EXOC6B: variants seen among roughly 807,000 people sequenced by gnomAD.
EXOC6B encodes SEC15 homolog B.
EXOC6B carries 54 observed loss-of-function variants against 113.5 expected under a neutral mutation model. That is an observed-to-expected ratio of 0.48 (90% CI 0.38 to 0.60). The LOEUF (loss-of-function observed/expected upper bound fraction) is 0.60, where lower values mean the gene tolerates loss of function less well. Among genes scored for constraint, EXOC6B ranks in the 20% least tolerant of loss-of-function variants. EXOC6B has a pLI of 0.00. For synonymous variants in EXOC6B, 357 were observed against 339.0 expected (o/e 1.05, Z -0.58); for missense variants, 797 against 977.5 (o/e 0.82, Z 2.46).
rs1680844861 is a variant in EXOC6B at position 72,221,162 on chromosome 2, GACTT to G, written c.2197-36979_2197-36976del. Among the ~76,000 whole-genome samples, 5 of 152,172 alleles carry G rather than the reference GACTT, an allele frequency of 3.3e-5. No individual in the cohort carries two copies. In the South Asian group the frequency reaches 1.0e-3, roughly 32 times the overall value. On this transcript the variant is annotated intron_variant, in intron 20 of 21. Coordinates refer to ENST00000272427, the MANE Select transcript of EXOC6B (RefSeq NM_015189.3). ...TAGTTAGTTCCCATTTCTTTTCTGA[GACTT>G]ACTTTTCCAATCTGTAAAACAAACA...
chr2:72,238,601 G>A (rs1035160678), intron 20 of EXOC6B, among the ~76,000 whole-genome samples: 3 of 152,116 alleles, frequency 2.0e-5, no homozygotes, highest in Admixed American at 1.3e-4. Context: ...CTATCCTAGT[G>A]TGTGTGTGAT....
chr2:72,200,585 T>A (rs1679431744), intron 20 of EXOC6B, among the ~76,000 whole-genome samples: 1 of 152,164 alleles, frequency 6.6e-6, no homozygotes, highest in Non-Finnish European at 1.5e-5. Flanking sequence ...TGAGGAATTG[T>A]AGAGAACTGT....
chr2:72,323,223 A>G (rs544449577), intron 20 of EXOC6B, among the ~76,000 whole-genome samples: 1 of 152,352 alleles, frequency 6.6e-6, no homozygotes, highest in African/African-American at 2.4e-5. Flanking sequence ...GCCAACAAAC[A>G]TATGAAAAAA....
intron 6 of EXOC6B, among the ~76,000 whole-genome samples, chr2:72,614,027 C>T (rs1476298528): frequency 6.6e-6 from 1 of 152,150 alleles, no homozygotes; most frequent in African/African-American, 2.4e-5. Context: ...CCACAAACCA[C>T]AAAAGCACAG....
chr2:72,673,345 A>C (rs1032329107), intron 6 of EXOC6B, among the ~76,000 whole-genome samples: 2 of 152,198 alleles, frequency 1.3e-5, no homozygotes, highest in Admixed American at 6.5e-5. Flanking sequence ...ATGAAAGGCT[A>C]TGATTGACAA....
chr2:72,553,290 G>A (rs868507211), intron 8 of EXOC6B, among the ~76,000 whole-genome samples: 1 of 152,028 alleles, frequency 6.6e-6, no homozygotes, highest in African/African-American at 2.4e-5. Flanking sequence ...ACATGAGGTT[G>A]GGGGAAAGCT....
At chr2:72,821,413 G>C (rs1339096505) in intron 1 of EXOC6B, among the ~76,000 whole-genome samples, 1 of 152,038 alleles carries the variant, frequency 6.6e-6, no homozygotes, top group African/African-American at 2.4e-5. Flanking sequence ...CAGTCTAGCA[G>C]TTCCTCATAA....
At chr2:72,200,145 C>T (rs1220678865) in intron 20 of EXOC6B, among the ~76,000 whole-genome samples, 1 of 152,144 alleles carries the variant, frequency 6.6e-6, no homozygotes, top group African/African-American at 2.4e-5. Flanking sequence ...GATCCGCCCA[C>T]CTTGGCCTCC....
intron 18 of EXOC6B, among the ~76,000 whole-genome samples, chr2:72,422,617 T>C (rs1038053415): frequency 3.3e-5 from 5 of 151,976 alleles, no homozygotes; most frequent in Non-Finnish European, 5.9e-5. Context: ...GCTCAAAGTT[T>C]GTGAGTGCAC....
At chr2:72,550,695 C>G (rs1362575492) in intron 8 of EXOC6B, among the ~76,000 whole-genome samples, 1 of 152,026 alleles carries the variant, frequency 6.6e-6, no homozygotes, top group Admixed American at 6.5e-5. Context: ...TAAATAATAA[C>G]CAGTATGCCT....
intron 1 of EXOC6B, among the ~76,000 whole-genome samples, chr2:72,814,674 T>A (rs1686117830): frequency 6.6e-6 from 1 of 152,196 alleles, no homozygotes; most frequent in African/African-American, 2.4e-5. Flanking sequence ...CTCTTGGGAG[T>A]TAACAGATCT....
In EXOC6B at chr2:72,449,257, G is replaced by A. The variant is rs532913933; in HGVS notation, c.1980+15903C>T. Among the ~76,000 whole-genome samples the A allele has an allele frequency of 4.6e-5, 7 of 151,478 alleles. No individual in the cohort carries two copies. In the South Asian group the frequency reaches 1.0e-3, roughly 23 times the overall value. On this transcript the variant is annotated intron_variant, in intron 18 of 21. Transcript: ENST00000272427. ...GAGTGCAGTGGTGCGATCTCGGCTCGCTGCAAGCTCTGCCTCCTGAGTTCA... is the reference window on the plus strand; with the variant it reads ...GAGTGCAGTGGTGCGATCTCGGCTCACTGCAAGCTCTGCCTCCTGAGTTCA...
At chr2:72,435,225 T>C (rs1695779277) in intron 18 of EXOC6B, among the ~76,000 whole-genome samples, 1 of 152,204 alleles carries the variant, frequency 6.6e-6, no homozygotes. Flanking sequence ...TTTGAGTGAG[T>C]TTCTTAATCC....
chr2:72,193,058 C>G (rs1678947696), intron 20 of EXOC6B, among the ~76,000 whole-genome samples: 1 of 152,188 alleles, frequency 6.6e-6, no homozygotes, highest in Admixed American at 6.5e-5. Flanking sequence ...CTGCCTTTGA[C>G]AGGATGAAAC....
At chr2:72,691,767 G>A (rs371995662) in intron 6 of EXOC6B, among the ~76,000 whole-genome samples, 6 of 149,204 alleles carry the variant, frequency 4.0e-5, no homozygotes, top group Non-Finnish European at 5.9e-5. Context: ...CTGCAACCTC[G>A]GCCTCCTCAG....
chr2:72,326,292 A>G (rs1445837009), intron 20 of EXOC6B, among the ~76,000 whole-genome samples: 1 of 152,008 alleles, frequency 6.6e-6, no homozygotes, highest in Non-Finnish European at 1.5e-5. Context: ...TTCAAATTCC[A>G]TGTTTGTGGA....
At chr2:72,343,475 G>A (rs1475160642) in intron 19 of EXOC6B, among the ~76,000 whole-genome samples, 1 of 152,114 alleles carries the variant, frequency 6.6e-6, no homozygotes, top group African/African-American at 2.4e-5. Flanking sequence ...AATAATACTA[G>A]CTTTTATAAT....
chr2:72,807,957 A>T (rs1015774137), intron 1 of EXOC6B, among the ~76,000 whole-genome samples: 9 of 152,254 alleles, frequency 5.9e-5, no homozygotes, highest in Admixed American at 3.9e-4. Context: ...AAAGATTATA[A>T]CTGGATTGTC....
intron 19 of EXOC6B, among the ~76,000 whole-genome samples, chr2:72,374,305 T>G (rs1013277233): frequency 6.6e-6 from 1 of 152,148 alleles, no homozygotes; most frequent in Non-Finnish European, 1.5e-5. Context: ...AACAGATATA[T>G]GGAGAGAGAA....
Sources: gnomAD v4.1 joint callset for allele counts (sites outside exome capture counted in the v4.1 genomes callset) on GRCh38, gnomAD v4.1.1 for gene constraint, MANE v1.5 for transcripts, NCBI Gene and HGNC (gene_info 2026-07-23, HGNC 2026-07-21) for gene names.